The following CTNNBL1 variants were observed in gnomAD, a reference collection of about 807,000 sequenced individuals.
CTNNBL1 encodes the protein catenin beta like 1.
Under a neutral mutation model 72.7 loss-of-function variants are expected in CTNNBL1, and 31 were observed. The ratio of observed to expected loss-of-function variants is 0.43; its 90% confidence interval spans 0.32 to 0.58. The LOEUF is 0.58. Among genes scored for constraint, CTNNBL1 ranks in the 20% least tolerant of loss-of-function variants. The pLI is 0.08. For missense variants in CTNNBL1, 534 were observed against 725.1 expected (o/e 0.74, Z 3.03); for synonymous variants, 240 against 267.3 (o/e 0.90, Z 1.00).
intron 14 of CTNNBL1, 25 bp downstream of exon 14, chr20:37,860,061 G>C: frequency 6.2e-7 from 1 of 1,611,938 alleles, no homozygotes. Flanking sequence ...CCCTGGATGG[G>C]CTTATCCATC....
At chr20:37,714,160 C>T (rs1459096578) in intron 1 of CTNNBL1, among the ~76,000 whole-genome samples, 1 of 152,074 alleles carries the variant, frequency 6.6e-6, no homozygotes, top group Non-Finnish European at 1.5e-5. Flanking sequence ...CAAGTCTACT[C>T]TGCCTGCCAC....
At chr20:37,757,687 G>C in intron 5 of CTNNBL1, 31 bp downstream of exon 5, 1 of 1,546,988 alleles carries the variant, frequency 6.5e-7, no homozygotes, top group Non-Finnish European at 8.9e-7. Flanking sequence ...GGTTTTGCAG[G>C]TTTGTATAAG....
intron 6 of CTNNBL1, among the ~76,000 whole-genome samples, chr20:37,767,295 C>CAA (rs2073478357): frequency 6.6e-6 from 1 of 151,970 alleles, no homozygotes; most frequent in South Asian, 2.1e-4. Flanking sequence ...CATAGTCATG[C>CAA]AATAACTTTT....
chr20:37,775,669 C>T (rs1447001956), intron 7 of CTNNBL1, among the ~76,000 whole-genome samples: 1 of 152,202 alleles, frequency 6.6e-6, no homozygotes, highest in Non-Finnish European at 1.5e-5. Context: ...GAGTTCAGAT[C>T]TAAGTTACCC....
chr20:37,758,054 T>C (rs1221904254), intron 5 of CTNNBL1, among the ~76,000 whole-genome samples: 2 of 152,218 alleles, frequency 1.3e-5, no homozygotes, highest in Admixed American at 1.3e-4. Context: ...GCCCCTTTCT[T>C]CCCTCCTCTC....
At chr20:37,773,256 G>A (rs188398969) in intron 7 of CTNNBL1, among the ~76,000 whole-genome samples, 126 of 152,318 alleles carry the variant, frequency 8.3e-4, no homozygotes, top group Middle Eastern at 3.4e-3. Flanking sequence ...GTACAGAGCT[G>A]TAGATATGTC....
At chr20:37,753,627 G>T (rs1276082955) in intron 4 of CTNNBL1, among the ~76,000 whole-genome samples, 1 of 152,178 alleles carries the variant, frequency 6.6e-6, no homozygotes, top group East Asian at 1.9e-4. Context: ...GATTTTAGAG[G>T]CTTTTGGAAA....
chr20:37,777,548 C>A, intron 8 of CTNNBL1, 106 bp from the exon 9 acceptor site: 1 of 1,379,264 alleles, frequency 7.3e-7, no homozygotes, highest in Non-Finnish European at 1.0e-6. Context: ...CTTTTGTACT[C>A]TGTCAAGCTG....
In CTNNBL1 at chr20:37,714,825, G is replaced by A. The variant is rs577126819; in HGVS notation, c.31-18054G>A. On this transcript the variant is annotated intron_variant, in intron 1 of 15. Transcript: ENST00000361383. ...TAAACATTTATTGAGTGCTTTTTTT[G>A]GGTTAGGTGCTTCCACAACACTGCT... Among the ~76,000 whole-genome samples the A allele has an allele frequency of 2.6e-5, 4 of 151,710 alleles. No individual in the cohort carries two copies. The South Asian group carries it at 8.3e-4, about 32-fold the overall frequency.
At chr20:37,777,774 G>GCTTCCCA in intron 9 of CTNNBL1, 62 bp downstream of exon 9, 2 of 1,530,576 alleles carry the variant, frequency 1.3e-6, no homozygotes, top group Non-Finnish European at 1.8e-6. Flanking sequence ...AATGGGAGGT[G>GCTTCCCA]GAGCTGGAAA....
chr20:37,828,208 T>C (rs2072177282), intron 11 of CTNNBL1, among the ~76,000 whole-genome samples: 1 of 152,074 alleles, frequency 6.6e-6, no homozygotes, highest in Admixed American at 6.6e-5. Flanking sequence ...GGCCTTTGAG[T>C]TTACCATCTA....
At chr20:37,805,905 G>A (rs1267250537) in intron 11 of CTNNBL1, among the ~76,000 whole-genome samples, 1 of 152,178 alleles carries the variant, frequency 6.6e-6, no homozygotes, top group African/African-American at 2.4e-5. Context: ...AATGTTTCTT[G>A]ACTGTGTGAA....
chr20:37,812,361 T>A (rs963767489), intron 11 of CTNNBL1, among the ~76,000 whole-genome samples: 1 of 152,204 alleles, frequency 6.6e-6, no homozygotes, highest in African/African-American at 2.4e-5. Context: ...CTTTTGTGGT[T>A]GTGAAGCCCA....
intron 13 of CTNNBL1, among the ~76,000 whole-genome samples, chr20:37,858,163 C>G (rs1226118946): frequency 6.6e-6 from 1 of 152,236 alleles, no homozygotes; most frequent in East Asian, 1.9e-4. Context: ...TGCCACTGCA[C>G]TCCAGACTGG....
intron 15 of CTNNBL1, among the ~76,000 whole-genome samples, chr20:37,869,572 G>C (rs1185379876): frequency 6.6e-6 from 1 of 152,254 alleles, no homozygotes; most frequent in East Asian, 1.9e-4. Flanking sequence ...TGTCTAGGGA[G>C]AGAGGGGCTG....
At chr20:37,841,356 G>C (rs114407798) in intron 12 of CTNNBL1, among the ~76,000 whole-genome samples, 2 of 152,118 alleles carry the variant, frequency 1.3e-5, no homozygotes, top group Non-Finnish European at 2.9e-5. Context: ...TCTGTGCTTC[G>C]GTTTCCTCAT....
intron 1 of CTNNBL1, among the ~76,000 whole-genome samples, chr20:37,726,928 T>G (rs996516259): frequency 1.3e-5 from 2 of 152,178 alleles, no homozygotes; most frequent in Non-Finnish European, 2.9e-5. Context: ...ATTATAGAAG[T>G]TCTCTTTTTT....
chr20:37,729,227 CAACTTTGAG>C (rs982281729), intron 1 of CTNNBL1, among the ~76,000 whole-genome samples: 1 of 152,164 alleles, frequency 6.6e-6, no homozygotes, highest in Admixed American at 6.5e-5. Flanking sequence ...AGATCAGATT[CAACTTTGAG>C]AAGGGACCAG....
chr20:37,728,494 A>G (rs2073103817), intron 1 of CTNNBL1, among the ~76,000 whole-genome samples: 1 of 152,208 alleles, frequency 6.6e-6, no homozygotes, highest in African/African-American at 2.4e-5. Flanking sequence ...AGTACTCATC[A>G]CAGTACCTCA....
Sources: allele counts gnomAD v4.1 joint callset (sites outside exome capture counted in the v4.1 genomes callset), GRCh38; gene constraint gnomAD v4.1.1; transcripts MANE v1.5; gene names NCBI Gene and HGNC (gene_info 2026-07-23, HGNC 2026-07-21).